Variants in NCMAP observed in about 807,000 individuals in gnomAD.
NCMAP encodes the protein noncompact myelin-associated protein.
In NCMAP, 8 loss-of-function variants were observed where a neutral mutation model predicts 7.8. The observed-to-expected ratio is 1.02, with a 90% CI of 0.60 to 1.84. NCMAP has a LOEUF of 1.84. Ranked by LOEUF, NCMAP falls within the 40% of genes most tolerant of loss-of-function variation. The pLI, the probability that NCMAP is intolerant of heterozygous loss-of-function variation, is 0.00. For missense variants in NCMAP, 112 were observed against 131.4 expected (o/e 0.85, Z 0.72); for synonymous variants, 41 against 52.9 (o/e 0.78, Z 0.98).
At chr1:24,582,467 C>G (rs1485594780) in intron 1 of NCMAP, among the ~76,000 whole-genome samples, 1 of 152,038 alleles carries the variant, frequency 6.6e-6, no homozygotes, top group East Asian at 1.9e-4. Context: ...CCAATGTCAT[C>G]GTAAGGTTCT....
intron 1 of NCMAP, among the ~76,000 whole-genome samples, chr1:24,571,865 C>T (rs1651399063): frequency 6.6e-6 from 1 of 151,008 alleles, no homozygotes; most frequent in Non-Finnish European, 1.5e-5. Context: ...GGATTACAGG[C>T]GTAAGCCACC....
intron 1 of NCMAP, among the ~76,000 whole-genome samples, chr1:24,591,230 T>C (rs751412406): frequency 3.9e-5 from 6 of 152,160 alleles, no homozygotes; most frequent in Non-Finnish European, 8.8e-5. Flanking sequence ...TATTTCAGTA[T>C]GAGTAGGAGT....
At chr1:24,596,289 C>T (rs1652222373) in intron 2 of NCMAP, among the ~76,000 whole-genome samples, 1 of 151,908 alleles carries the variant, frequency 6.6e-6, no homozygotes, top group Admixed American at 6.6e-5. Context: ...AAAAATATTA[C>T]TACTACTACG....
At chr1:24,558,771 T>G (rs530882064) in intron 1 of NCMAP, among the ~76,000 whole-genome samples, 7 of 152,160 alleles carry the variant, frequency 4.6e-5, no homozygotes, top group African/African-American at 1.7e-4. Context: ...TCACGTAGAG[T>G]TGGGGAAGAC....
intron 1 of NCMAP, among the ~76,000 whole-genome samples, chr1:24,577,117 C>T (rs184614125): frequency 3.3e-4 from 50 of 151,498 alleles, no homozygotes; most frequent in African/African-American, 1.1e-3. Flanking sequence ...CAGGCCTGGG[C>T]GACAGAGTGA....
intron 2 of NCMAP, among the ~76,000 whole-genome samples, chr1:24,597,507 G>T (rs1426344297): frequency 3.3e-5 from 2 of 61,362 alleles, no homozygotes; most frequent in Non-Finnish European, 6.2e-5. Flanking sequence ...GTCAAAAAAA[G>T]AAAGAGAAGG....
intron 1 of NCMAP, among the ~76,000 whole-genome samples, chr1:24,565,572 TTGTGTGTGTGTGTGTGTG>T (rs58714256): frequency 4.2e-5 from 6 of 143,672 alleles, no homozygotes; most frequent in African/African-American, 7.8e-5. Context: ...TGATAGAAGA[TTGTGTGTGTGTGTGTGTG>T]TGTGTGTGTG....
At chr1:24,563,375 G>C (rs1045193991) in intron 1 of NCMAP, among the ~76,000 whole-genome samples, 9 of 152,112 alleles carry the variant, frequency 5.9e-5, no homozygotes, top group Non-Finnish European at 1.3e-4. Flanking sequence ...TACAAAATTA[G>C]CTGGGCGTGG....
intron 1 of NCMAP, among the ~76,000 whole-genome samples, chr1:24,570,641 A>G (rs574081399): frequency 6.6e-6 from 1 of 151,024 alleles, no homozygotes; most frequent in Non-Finnish European, 1.5e-5. Flanking sequence ...CCATGGTGCC[A>G]TTCAAATTCC....
At chr1:24,564,115 G>T (rs1281087164) in intron 1 of NCMAP, 2 of 152,152 alleles carry the variant, frequency 1.3e-5, no homozygotes, top group African/African-American at 4.8e-5. Context: ...TGAATATCAG[G>T]ATGGATACAA....
rs1287844794 is a variant in NCMAP at position 24,576,597 on chromosome 1, T to A, written c.-7-18827T>A. Among the ~76,000 whole-genome samples, 2 of 151,346 alleles carry A rather than the reference T, an allele frequency of 1.3e-5. No individual in the cohort carries two copies. The highest frequency in any genetic ancestry group is 2.9e-5 in the Non-Finnish European group (2 of 67,818). On this transcript the variant is annotated intron_variant, in intron 1 of 3. Coordinates refer to ENST00000374392, the MANE Select transcript of NCMAP (RefSeq NM_001010980.5). The surrounding 1 kb of genome is among the most constrained non-coding windows in gnomAD (Gnocchi z 4.0). ...AGGAGGAAGGGGCCAGAGAGGGAGGTCCCTGGTCCCCAGCTGTTCAGTTTG... is the reference window on the plus strand; with the variant it reads ...AGGAGGAAGGGGCCAGAGAGGGAGGACCCTGGTCCCCAGCTGTTCAGTTTG...
chr1:24,593,857 ATTATTTATTTATTTATTTATTTAT>A (rs139852120), intron 1 of NCMAP, among the ~76,000 whole-genome samples: 3,791 of 144,704 alleles, frequency 0.026, 73 homozygotes, highest in Middle Eastern at 0.12. Flanking sequence ...GTTCAGAGCG[ATTATTTATTTATTTATTTATTTAT>A]TTATTTATTT....
chr1:24,567,275 A>C (rs945129415), intron 1 of NCMAP, among the ~76,000 whole-genome samples: 2 of 152,134 alleles, frequency 1.3e-5, no homozygotes, highest in African/African-American at 4.8e-5. Context: ...GAGCACCTAG[A>C]ATAGAAAGGA....
intron 1 of NCMAP, among the ~76,000 whole-genome samples, chr1:24,575,645 T>G (rs893432168): frequency 3.9e-5 from 6 of 152,008 alleles, no homozygotes; most frequent in African/African-American, 1.4e-4. Context: ...AATTGCCCCG[T>G]TTTAAAACTG....
rs924505421 is a variant in NCMAP at position 24,605,598 on chromosome 1, C to A, written c.168-8C>A. On this transcript the variant is annotated splice_region_variant and splice_polypyrimidine_tract_variant and intron_variant, in intron 3 of 3. Transcript: ENST00000374392. ...AGACTCAACCATGTGCACATTATCT[C>A]CCTACAGGAAAATGAGGACGAGGCG... is the stretch of plus-strand genomic sequence containing the variant. 8 of 1,614,012 alleles carry A rather than the reference C, an allele frequency of 5.0e-6. No homozygotes were observed. The Admixed American group carries it at 6.7e-5, about 13-fold the overall frequency.
intron 1 of NCMAP, among the ~76,000 whole-genome samples, chr1:24,557,307 G>A (rs928500787): frequency 1.3e-5 from 2 of 152,190 alleles, no homozygotes; most frequent in African/African-American, 4.8e-5. Context: ...TAGAGACAGT[G>A]GTCTAGGTGG....
At chr1:24,597,752 G>A (rs781692783) in intron 2 of NCMAP, among the ~76,000 whole-genome samples, 29 of 152,060 alleles carry the variant, frequency 1.9e-4, no homozygotes, top group Non-Finnish European at 3.5e-4. Context: ...GCTAGATAGG[G>A]TTACCAGATT....
chr1:24,580,576 G>A (rs1651715590), intron 1 of NCMAP, among the ~76,000 whole-genome samples: 1 of 152,054 alleles, frequency 6.6e-6, no homozygotes, highest in South Asian at 2.1e-4. Flanking sequence ...TCAGCCTCCT[G>A]AGTAGCTGGG....
chr1:24,561,178 CAAA>C (rs755072214), intron 1 of NCMAP, among the ~76,000 whole-genome samples: 42 of 103,868 alleles, frequency 4.0e-4, no homozygotes, highest in Non-Finnish European at 6.4e-4. Context: ...ACTAAAAATA[CAAA>C]AAAAAAAAAA....
Sources: allele counts gnomAD v4.1 joint callset (sites outside exome capture counted in the v4.1 genomes callset), GRCh38; gene constraint gnomAD v4.1.1; non-coding constraint Gnocchi (gnomAD v3.1); transcripts MANE v1.5; gene names NCBI Gene and HGNC (gene_info 2026-07-23, HGNC 2026-07-21).